The following ARHGEF4 variants were observed in gnomAD, a reference collection of about 807,000 sequenced individuals.
ARHGEF4 encodes the protein APC-stimulated guanine nucleotide exchange factor 1.
ARHGEF4 carries 119 observed loss-of-function variants against 162.0 expected under a neutral mutation model. The ratio of observed to expected loss-of-function variants is 0.73; its 90% CI spans 0.63 to 0.86. The LOEUF is 0.86. Ranked by LOEUF, ARHGEF4 falls within the 40% of genes least tolerant of loss-of-function variation. The probability of loss-of-function intolerance (pLI) is 0.00; values close to 1 mark genes in which losing one functional copy is unlikely to be tolerated. For synonymous variants in ARHGEF4, 1,014 were observed against 979.9 expected (o/e 1.03, Z -0.65); for missense variants, 2,488 against 2,456.0 (o/e 1.01, Z -0.28).
At chr2:130,886,381 A>T (rs922920371) in intron 1 of ARHGEF4, among the ~76,000 whole-genome samples, 1 of 151,976 alleles carries the variant, frequency 6.6e-6, no homozygotes, top group African/African-American at 2.4e-5. Context: ...AAAGATTTTT[A>T]TAAGATTGGA....
intron 1 of ARHGEF4, among the ~76,000 whole-genome samples, chr2:130,865,672 T>C (rs961099333): frequency 1.3e-5 from 2 of 152,196 alleles, no homozygotes; most frequent in African/African-American, 4.8e-5. Context: ...TAGTTTCCTT[T>C]CCATGTGATG....
At chr2:130,988,747 A>T (rs777955008) in intron 4 of ARHGEF4, among the ~76,000 whole-genome samples, 1 of 152,026 alleles carries the variant, frequency 6.6e-6, no homozygotes, top group Non-Finnish European at 1.5e-5. Flanking sequence ...CAGATATGTC[A>T]TACTATTTGT....
At position 130,914,381 on chromosome 2, in the gene ARHGEF4, G is replaced by A; in HGVS notation, c.435G>A (p.Gly145=). 3 of 1,445,662 alleles carry A rather than the reference G, an allele frequency of 2.1e-6. No individual in the cohort carries two copies. Among genetic ancestry groups the A allele is most frequent in the South Asian group, 1.5e-5 (1 of 68,452 alleles). The allele number at this position is 1,445,662 out of a possible 1,614,324, so 89.6% of individuals were successfully genotyped here. Residue 145 remains glycine, a synonymous_variant, in exon 2 of 14, where the codon GGG becomes GGA. Coordinates refer to ENST00000409359, the MANE Select transcript of ARHGEF4 (RefSeq NM_001367493.1). ...PSLEDDSCKN[G]WRAFATVAGE... ...TAGAGGATGACTCTTGCAAAAATGG[G>A]TGGCGAGCCTTTGCCACAGTTGCTG...
chr2:130,950,686 A>AG (rs1683899716), intron 4 of ARHGEF4, among the ~76,000 whole-genome samples: 1 of 142,296 alleles, frequency 7.0e-6, no homozygotes. Flanking sequence ...TTTAGCTATT[A>AG]CCCCCCACCA....
chr2:130,991,545 G>C (rs765357257), intron 4 of ARHGEF4, among the ~76,000 whole-genome samples: 1 of 152,192 alleles, frequency 6.6e-6, no homozygotes, highest in Non-Finnish European at 1.5e-5. Flanking sequence ...CGGAGCAGCC[G>C]GCCGGCCCTG....
At chr2:130,866,016 T>C (rs535981988) in intron 1 of ARHGEF4, among the ~76,000 whole-genome samples, 1 of 152,280 alleles carries the variant, frequency 6.6e-6, no homozygotes, top group African/African-American at 2.4e-5. Context: ...CTGGGTCTTT[T>C]CTTCATGTGC....
At chr2:130,977,978 T>C (rs140059408) in intron 4 of ARHGEF4, among the ~76,000 whole-genome samples, 1 of 152,248 alleles carries the variant, frequency 6.6e-6, no homozygotes, top group East Asian at 1.9e-4. Context: ...AATGTAACAG[T>C]GTGTGAGAAA....
At position 131,046,701 on chromosome 2, in the gene ARHGEF4, C is replaced by A. The variant is rs1691289485; in HGVS notation, c.*512C>A. On this transcript the variant is annotated 3_prime_UTR_variant, in exon 14 of 14. Transcript: ENST00000409359. Reference sequence around the variant, plus strand: ...AGCTTGCCACTTGGGAGGGCAGAAGCCAGGAATTCCACACCCTTGTGTTGC... The same window carrying A: ...AGCTTGCCACTTGGGAGGGCAGAAGACAGGAATTCCACACCCTTGTGTTGC... The A allele has an allele frequency of 6.5e-6, 1 of 153,950 alleles. No individual in the cohort carries two copies. Among genetic ancestry groups the A allele is most frequent in the Non-Finnish European group, 1.4e-5 (1 of 69,116 alleles). 9.5% of individuals were successfully genotyped at this position (153,950 alleles called of 1,614,324 possible). A position where few individuals can be genotyped will look rare whatever the true frequency, so the allele number is the denominator to read the frequency against.
intron 4 of ARHGEF4, among the ~76,000 whole-genome samples, chr2:130,988,103 T>C (rs1686641335): frequency 6.6e-6 from 1 of 152,214 alleles, no homozygotes; most frequent in Non-Finnish European, 1.5e-5. Flanking sequence ...AGTAAAATGC[T>C]CAATACATTT....
intron 4 of ARHGEF4, among the ~76,000 whole-genome samples, chr2:130,977,300 TAGTG>T (rs772273251): frequency 2.0e-5 from 3 of 151,826 alleles, no homozygotes; most frequent in Non-Finnish European, 4.4e-5. Flanking sequence ...TTAGTATGCA[TAGTG>T]TGTGTTTGTG....
chr2:130,928,743 C>T (rs1190740643), intron 2 of ARHGEF4, among the ~76,000 whole-genome samples: 2 of 152,204 alleles, frequency 1.3e-5, no homozygotes, highest in Admixed American at 1.3e-4. Flanking sequence ...ACTTTCTCAT[C>T]TACCATCGTC....
intron 1 of ARHGEF4, among the ~76,000 whole-genome samples, chr2:130,905,023 G>A (rs13402905): frequency 0.065 from 9,844 of 152,258 alleles, 492 homozygotes; most frequent in African/African-American, 0.13. Flanking sequence ...AGGTTGCAGT[G>A]AGCTAAGATC....
chr2:131,025,152 CAGGG>C (rs1689397737), intron 4 of ARHGEF4, among the ~76,000 whole-genome samples: 1 of 152,162 alleles, frequency 6.6e-6, no homozygotes, highest in Non-Finnish European at 1.5e-5. Flanking sequence ...GGACGCATGA[CAGGG>C]AGGCCTCAGG....
Position 130,916,312 on chromosome 2 carries a change from G to A in ARHGEF4, c.2366G>A (p.Gly789Glu). The A allele has an allele frequency of 1.3e-6, 2 of 1,542,570 alleles. No individual in the cohort carries two copies. The highest frequency in any genetic ancestry group is 1.4e-5 in the African/African-American group (1 of 72,220). ...CTCCGCAAGGGCGCGCAGGAGCCTGGGAAGCGCCCGACGTTTTCCAAGGTG... is the reference window on the plus strand; with the variant it reads ...CTCCGCAAGGGCGCGCAGGAGCCTGAGAAGCGCCCGACGTTTTCCAAGGTG... ...RGLRKGAQEP[G>E]KRPTFSKVTS... Residue 789 changes from glycine to glutamate, a missense_variant, in exon 2 of 14, where the codon GGG (glycine) becomes GAG (glutamate). Physicochemically the swap from Gly to Glu is moderately conservative, Grantham distance 98 (BLOSUM62 -2). Around this residue, in one of 6 missense-constraint regions of ARHGEF4, gnomAD observed 1,642 missense variants for 1,481.5 expected, o/e 1.11. Coordinates refer to ENST00000409359, the MANE Select transcript of ARHGEF4 (RefSeq NM_001367493.1).
At position 130,914,154 on chromosome 2, in the gene ARHGEF4, C is replaced by G; in HGVS notation, c.208C>G (p.Pro70Ala). ...SESGSDTKTDPFESASDTESL... is the reference protein window; with the variant it reads ...SESGSDTKTDAFESASDTESL... The stretch of plus-strand genomic sequence containing the variant: ...AAGTGGATCAGACACAAAAACTGAC[C>G]CCTTTGAAAGTGCCTCTGACACAGA... Residue 70 changes from proline (P) to alanine (A), a missense_variant, in exon 2 of 14, where the codon CCC becomes GCC. Transcript: ENST00000409359. 6.5e-7 allele frequency: 1 copy of G among 1,536,076 alleles called. No homozygotes were observed. Among genetic ancestry groups the G allele is most frequent in the Non-Finnish European group, 8.7e-7 (1 of 1,146,908 alleles).
intron 1 of ARHGEF4, among the ~76,000 whole-genome samples, chr2:130,894,848 G>A (rs912864541): frequency 5.3e-5 from 8 of 151,930 alleles, no homozygotes; most frequent in Admixed American, 2.0e-4. Context: ...GTTGTTCAGG[G>A]GACATGCCCT....
chr2:131,027,408 G>A (rs73000350), intron 4 of ARHGEF4, among the ~76,000 whole-genome samples: 2,438 of 152,310 alleles, frequency 0.016, 71 homozygotes, highest in African/African-American at 0.055. Flanking sequence ...ACAGGAGGGA[G>A]ATGGGAATGG....
chr2:130,973,424 GGCTACAGTGA>G (rs1415837082), intron 4 of ARHGEF4, among the ~76,000 whole-genome samples: 1 of 152,210 alleles, frequency 6.6e-6, no homozygotes, highest in East Asian at 1.9e-4. Context: ...GGGAGGTGGA[GGCTACAGTGA>G]GCCAAGATCA....
intron 1 of ARHGEF4, among the ~76,000 whole-genome samples, chr2:130,869,061 C>T (rs1300990322): frequency 6.6e-6 from 1 of 152,226 alleles, no homozygotes; most frequent in East Asian, 1.9e-4. Context: ...AGGCAACAGT[C>T]ACAGGTTCTT....
Sources: gnomAD v4.1 joint callset for allele counts (sites outside exome capture counted in the v4.1 genomes callset) on GRCh38, gnomAD v4.1.1 for gene constraint, gnomAD v4.1.1 regional missense constraint, MANE v1.5 for transcripts, NCBI Gene and HGNC (gene_info 2026-07-23, HGNC 2026-07-21) for gene names.